The following MPZL1 variants were observed in gnomAD, a reference collection of about 807,000 sequenced individuals.
MPZL1 encodes myelin protein zero like 1.
Under a neutral mutation model 29.3 loss-of-function variants are expected in MPZL1, and 16 were observed. The observed-to-expected ratio is 0.55, with a 90% CI of 0.37 to 0.83. The LOEUF is 0.83. MPZL1 is among the 40% of genes least tolerant of loss of function. MPZL1 has a pLI of 0.00. For synonymous variants in MPZL1, 143 were observed against 132.0 expected (o/e 1.08, Z -0.57); for missense variants, 279 against 332.9 (o/e 0.84, Z 1.26).
At chr1:167,778,880 CA>C (rs1320874851) in intron 5 of MPZL1, among the ~76,000 whole-genome samples, 1 of 151,632 alleles carries the variant, frequency 6.6e-6, no homozygotes, top group African/African-American at 2.4e-5. Context: ...AGAAACTATC[CA>C]AAATGAAGCT....
intron 1 of MPZL1, among the ~76,000 whole-genome samples, chr1:167,756,231 C>G (rs1660865738): frequency 6.6e-6 from 1 of 151,944 alleles, no homozygotes; most frequent in Non-Finnish European, 1.5e-5. Context: ...TCACTGCAGC[C>G]TCAACCTCCC....
chr1:167,749,019 C>T (rs986840002), intron 1 of MPZL1, among the ~76,000 whole-genome samples: 1 of 152,106 alleles, frequency 6.6e-6, no homozygotes, highest in African/African-American at 2.4e-5. Context: ...TGTTTCATAT[C>T]ACCCTTCTCA....
intron 1 of MPZL1, among the ~76,000 whole-genome samples, chr1:167,727,183 T>C (rs192251098): frequency 6.6e-6 from 1 of 152,348 alleles, no homozygotes; most frequent in Non-Finnish European, 1.5e-5. Flanking sequence ...AAAACATAGC[T>C]TTTCAGAAAT....
At chr1:167,756,410 A>C (rs1305755487) in intron 1 of MPZL1, among the ~76,000 whole-genome samples, 5 of 146,652 alleles carry the variant, frequency 3.4e-5, no homozygotes, top group Non-Finnish European at 7.5e-5. Flanking sequence ...TACAGGCATG[A>C]GCCACCTTGT....
intron 1 of MPZL1, among the ~76,000 whole-genome samples, chr1:167,736,627 C>T (rs1381848804): frequency 6.6e-6 from 1 of 152,178 alleles, no homozygotes; most frequent in Non-Finnish European, 1.5e-5. Context: ...CACCTCACCT[C>T]CCTGGATTTA....
intron 1 of MPZL1, among the ~76,000 whole-genome samples, chr1:167,760,926 T>C (rs1245769334): frequency 4.0e-5 from 6 of 151,452 alleles, no homozygotes; most frequent in Non-Finnish European, 8.8e-5. Flanking sequence ...GAGCAGTCAA[T>C]GAGATAAGAG....
chr1:167,780,881 T>C (rs868776355), intron 5 of MPZL1, among the ~76,000 whole-genome samples: 2 of 152,208 alleles, frequency 1.3e-5, no homozygotes, highest in African/African-American at 4.8e-5. Flanking sequence ...TTTTATGTTA[T>C]ATATATTTTA....
chr1:167,768,644 T>C (rs1292677490), intron 2 of MPZL1, among the ~76,000 whole-genome samples: 2 of 152,248 alleles, frequency 1.3e-5, no homozygotes, highest in African/African-American at 2.4e-5. Context: ...CTCACTGGTT[T>C]GACCAAGACG....
At position 167,742,164 on chromosome 1, in the gene MPZL1, T is replaced by C. The variant is rs143942856; in HGVS notation, c.91+19922T>C. 2.4e-3 allele frequency among the ~76,000 whole-genome samples: 353 copies of C among 147,700 alleles called. 7 individuals are homozygous for C. In the East Asian group the frequency reaches 0.052, roughly 22 times the overall value. Reference sequence around the variant, plus strand: ...AAAAATTAGCCAGGCGTGGTGGCCCTCACCTGTAGTCCCAGCTACTCGGGA... The same window carrying C: ...AAAAATTAGCCAGGCGTGGTGGCCCCCACCTGTAGTCCCAGCTACTCGGGA... On this transcript the variant is annotated intron_variant, in intron 1 of 5. Transcript: ENST00000359523.
intron 1 of MPZL1, among the ~76,000 whole-genome samples, chr1:167,731,441 T>A (rs1266369302): frequency 1.3e-5 from 2 of 149,066 alleles, no homozygotes; most frequent in Admixed American, 1.3e-4. Context: ...TGTCTTTTTT[T>A]TTTTTTTTTT....
At chr1:167,734,612 C>G (rs1265516768) in intron 1 of MPZL1, among the ~76,000 whole-genome samples, 2 of 152,110 alleles carry the variant, frequency 1.3e-5, no homozygotes, top group Non-Finnish European at 2.9e-5. Flanking sequence ...AGAGTATGTG[C>G]ACCTTCATGG....
chr1:167,750,871 C>T lies in MPZL1; in HGVS notation c.92-14712C>T, dbSNP rs541167250. Among the ~76,000 whole-genome samples, 4 of 152,222 alleles carry T rather than the reference C, an allele frequency of 2.6e-5. No individual in the cohort carries two copies. In the South Asian group the frequency reaches 8.3e-4, roughly 32 times the overall value. On this transcript the variant is annotated intron_variant, in intron 1 of 5. Coordinates refer to ENST00000359523, the MANE Select transcript of MPZL1 (RefSeq NM_003953.6). ...TCATCACCTTTAGTCTGCAGCATTTCCTGAGTCATTTTCTTTAAAGTTTTA... is the reference window on the plus strand; with the variant it reads ...TCATCACCTTTAGTCTGCAGCATTTTCTGAGTCATTTTCTTTAAAGTTTTA...
At chr1:167,772,181 A>T in intron 2 of MPZL1, 94 bp from the exon 3 acceptor site, 1 of 968,964 alleles carries the variant, frequency 1.0e-6, no homozygotes, top group South Asian at 1.7e-5. Flanking sequence ...TTCCGTATGA[A>T]GTCTTTAAAA....
At chr1:167,737,222 T>C (rs1439974190) in intron 1 of MPZL1, among the ~76,000 whole-genome samples, 1 of 152,212 alleles carries the variant, frequency 6.6e-6, no homozygotes, top group East Asian at 1.9e-4. Flanking sequence ...AGTAAATGTT[T>C]AGTATATATT....
At position 167,787,855 on chromosome 1, in the gene MPZL1, C is replaced by T. The variant is rs1033782399; in HGVS notation, c.744C>T (p.Gly248=). The change falls in exon 6 of 6, where the codon GGC becomes GGT. Residue 248 remains glycine (G), a synonymous_variant. Coordinates refer to ENST00000359523, the MANE Select transcript of MPZL1 (RefSeq NM_003953.6). ...TATATGCACAGTTAGACCACTCCGG[C>T]GGACATCACAGTGACAAGATTAACA... ...PVIYAQLDHS[G]GHHSDKINKS... 15 of 1,613,732 alleles carry T rather than the reference C, an allele frequency of 9.3e-6. No individual in the cohort carries two copies. The highest frequency in any genetic ancestry group is 4.0e-5 in the African/African-American group (3 of 74,892).
At chr1:167,757,186 A>G (rs1001920948) in intron 1 of MPZL1, among the ~76,000 whole-genome samples, 11 of 152,148 alleles carry the variant, frequency 7.2e-5, no homozygotes, top group Admixed American at 6.5e-4. Context: ...CCCAGGAGAG[A>G]TTTGAGTCTG....
rs1039077283 is a variant in MPZL1 at position 167,773,469 on chromosome 1, C to T, written c.605+101C>T. Reference sequence around the variant, plus strand: ...AAAAAGGATTTTAAAGAATTAACTACTATTTTCTTTCATGTCAGAATCAGG... The same window carrying T: ...AAAAAGGATTTTAAAGAATTAACTATTATTTTCTTTCATGTCAGAATCAGG... On this transcript the variant is annotated intron_variant, in intron 4 of 5. Transcript: ENST00000359523. 11 of 1,346,304 alleles carry T rather than the reference C, an allele frequency of 8.2e-6. 1 individual carries two copies. The East Asian group carries it at 2.8e-4, about 34-fold the overall frequency. 83.4% of individuals were successfully genotyped at this position (1,346,304 alleles called of 1,614,324 possible). A position where few individuals can be genotyped will look rare whatever the true frequency, so the allele number is the denominator to read the frequency against.
intron 1 of MPZL1, among the ~76,000 whole-genome samples, chr1:167,752,082 C>T (rs1458680490): frequency 6.6e-6 from 1 of 152,184 alleles, no homozygotes; most frequent in Admixed American, 6.5e-5. Flanking sequence ...ACCTTTTCAT[C>T]TTAAAACTTT....
At chr1:167,765,544 A>C (rs1309723259) in intron 1 of MPZL1, 39 bp from the exon 2 acceptor site, 1 of 1,548,436 alleles carries the variant, frequency 6.5e-7, no homozygotes, top group South Asian at 1.2e-5. Flanking sequence ...TATTCATGTT[A>C]AGTCCTACTT....
Sources: allele counts gnomAD v4.1 joint callset (sites outside exome capture counted in the v4.1 genomes callset), GRCh38; gene constraint gnomAD v4.1.1; transcripts MANE v1.5; gene names NCBI Gene and HGNC (gene_info 2026-07-23, HGNC 2026-07-21).